Variants in CAMTA1 observed in about 807,000 individuals in gnomAD.
CAMTA1 encodes calmodulin-binding transcription activator 1.
Under a neutral mutation model 170.9 loss-of-function variants are expected in CAMTA1, and 27 were observed. That is an observed-to-expected ratio of 0.16 (90% CI 0.12 to 0.22). The LOEUF is 0.22. Ranked by LOEUF, CAMTA1 falls within the 10% of genes least tolerant of loss-of-function variation. The pLI, the probability that CAMTA1 is intolerant of heterozygous loss-of-function variation, is 1.00. For missense variants in CAMTA1, 1,619 were observed against 2,217.2 expected (o/e 0.73, Z 5.42); for synonymous variants, 833 against 891.5 (o/e 0.93, Z 1.17).
chr1:7,186,771 TA>T (rs879620773), intron 4 of CAMTA1, among the ~76,000 whole-genome samples: 3 of 152,206 alleles, frequency 2.0e-5, no homozygotes, highest in Admixed American at 1.3e-4. Context: ...TTCCTTGCAA[TA>T]AGCCAGGTCC....
intron 6 of CAMTA1, among the ~76,000 whole-genome samples, chr1:7,542,879 G>GTGTGTGTGTGTGTGTGTTTT (rs1459264062): frequency 7.2e-6 from 1 of 138,172 alleles, no homozygotes; most frequent in Non-Finnish European, 1.5e-5. Context: ...GTGTGTGTGT[G>GTGTGTGTGTGTGTGTGTTTT]TTTGAGCCGG....
intron 22 of CAMTA1, among the ~76,000 whole-genome samples, chr1:7,765,801 C>T (rs1316117955): frequency 3.3e-5 from 5 of 151,984 alleles, no homozygotes; most frequent in South Asian, 4.1e-4. Flanking sequence ...GCTGGGTGGG[C>T]GGATCACGAG....
intron 3 of CAMTA1, among the ~76,000 whole-genome samples, chr1:6,987,676 C>T (rs1214942211): frequency 6.6e-6 from 1 of 152,198 alleles, no homozygotes; most frequent in Non-Finnish European, 1.5e-5. Context: ...AAACCCCTTA[C>T]TTTTTCTTTC....
In CAMTA1 at chr1:7,685,897, A is replaced by G. The variant is rs149013497; in HGVS notation, c.2914+8164A>G. ...GATAACATTCCTGACCCCTGTGGAT[A>G]ATCCCACCCAAAAACCCAGGAGTCA... On this transcript the variant is annotated intron_variant, in intron 11 of 22. Transcript: ENST00000303635. This position sits in a 1 kb window ranked among gnomAD's most constrained non-coding sequence, Gnocchi z 5.7. 3.9e-5 allele frequency among the ~76,000 whole-genome samples: 6 copies of G among 152,184 alleles called. No individual in the cohort carries two copies. In the East Asian group the frequency reaches 9.7e-4, roughly 25 times the overall value.
intron 5 of CAMTA1, among the ~76,000 whole-genome samples, chr1:7,449,914 C>T (rs1019126589): frequency 7.9e-5 from 12 of 152,168 alleles, no homozygotes; most frequent in African/African-American, 2.2e-4. Context: ...GGGAGAAAGG[C>T]GTTTGATACC....
chr1:7,061,749 G>T (rs1708248323), intron 3 of CAMTA1, among the ~76,000 whole-genome samples: 1 of 151,172 alleles, frequency 6.6e-6, no homozygotes, highest in African/African-American at 2.4e-5. Context: ...CAGTGCCAGG[G>T]TGGAGAGAGA....
intron 3 of CAMTA1, among the ~76,000 whole-genome samples, chr1:7,087,082 C>G (rs924532966): frequency 2.0e-5 from 3 of 152,178 alleles, no homozygotes; most frequent in African/African-American, 7.2e-5. Flanking sequence ...TGTTCTATAC[C>G]TCGGTTTTTT....
intron 11 of CAMTA1, among the ~76,000 whole-genome samples, chr1:7,700,172 G>A (rs987333821): frequency 3.3e-5 from 5 of 151,286 alleles, no homozygotes; most frequent in African/African-American, 1.2e-4. Flanking sequence ...TTATATGTAG[G>A]TCTTTGATCC....
intron 3 of CAMTA1, among the ~76,000 whole-genome samples, chr1:7,030,340 A>G (rs1291794662): frequency 6.6e-6 from 1 of 152,202 alleles, no homozygotes; most frequent in Non-Finnish European, 1.5e-5. Context: ...TTGTTTTGAA[A>G]ATATTGGTTC....
chr1:7,722,146 A>C (rs761334268), intron 11 of CAMTA1, among the ~76,000 whole-genome samples: 36 of 152,062 alleles, frequency 2.4e-4, no homozygotes, highest in Admixed American at 4.6e-4. Flanking sequence ...ACGCCCAGAC[A>C]CTCGGGATTC....
chr1:7,679,955 G>A (rs1576805833), intron 11 of CAMTA1, among the ~76,000 whole-genome samples: 1 of 152,364 alleles, frequency 6.6e-6, no homozygotes, highest in East Asian at 1.9e-4. Context: ...ACCTGGCTGG[G>A]GAGAAGCGGG....
intron 3 of CAMTA1, among the ~76,000 whole-genome samples, chr1:6,996,378 C>A (rs190630618): frequency 8.2e-4 from 125 of 152,354 alleles, no homozygotes; most frequent in African/African-American, 2.9e-3. Context: ...ACTATAAACT[C>A]TGTCTTGTCT....
chr1:7,314,536 C>T (rs1468214723), intron 5 of CAMTA1, among the ~76,000 whole-genome samples: 2 of 152,186 alleles, frequency 1.3e-5, no homozygotes, highest in African/African-American at 4.8e-5. Flanking sequence ...ATTATTAACT[C>T]TTTTTTATCA....
At chr1:7,538,239 T>C (rs1167156282) in intron 6 of CAMTA1, among the ~76,000 whole-genome samples, 1 of 152,092 alleles carries the variant, frequency 6.6e-6, no homozygotes, top group African/African-American at 2.4e-5. Context: ...GAGTGCAAAG[T>C]TGAGAGGAAA....
rs1473007200 is a variant in CAMTA1 at position 7,673,015 on chromosome 1, G to A, written c.2779+1978G>A. On this transcript the variant is annotated intron_variant, in intron 10 of 22. Coordinates refer to ENST00000303635, the MANE Select transcript of CAMTA1 (RefSeq NM_015215.4). This position sits in a 1 kb window ranked among gnomAD's most constrained non-coding sequence, Gnocchi z 4.6. ...CAGCTCAGGGCTGTGTGCAGCTGATGGGACCCCGGCCCGGCGGGAGTGGCG... is the reference window on the plus strand; with the variant it reads ...CAGCTCAGGGCTGTGTGCAGCTGATAGGACCCCGGCCCGGCGGGAGTGGCG... Among the ~76,000 whole-genome samples, 1 of 152,192 alleles carries A rather than the reference G, an allele frequency of 6.6e-6. No homozygotes were observed. Among genetic ancestry groups the A allele is most frequent in the African/African-American group, 2.4e-5 (1 of 41,454 alleles).
intron 5 of CAMTA1, among the ~76,000 whole-genome samples, chr1:7,350,539 T>A (rs781236996): frequency 2.6e-5 from 4 of 152,228 alleles, no homozygotes; most frequent in Non-Finnish European, 4.4e-5. Flanking sequence ...CCGTGTGGCC[T>A]TTGAAAAGCT....
intron 3 of CAMTA1, among the ~76,000 whole-genome samples, chr1:7,011,226 C>T (rs72638595): frequency 0.01 from 1,541 of 152,260 alleles, 12 homozygotes; most frequent in Non-Finnish European, 0.017. Flanking sequence ...TTTTTTGAGA[C>T]AGAGTCTCGC....
intron 5 of CAMTA1, among the ~76,000 whole-genome samples, chr1:7,323,577 T>TAG (rs1678818325): frequency 6.8e-6 from 1 of 147,484 alleles, no homozygotes. Flanking sequence ...GGCTGGAGTG[T>TAG]AGTGGCACGA....
intron 5 of CAMTA1, among the ~76,000 whole-genome samples, chr1:7,329,236 T>C (rs537511961): frequency 6.6e-6 from 1 of 152,294 alleles, no homozygotes; most frequent in South Asian, 2.1e-4. Flanking sequence ...AACTTCTAAT[T>C]ATGTTGGAGT....
Sources: allele counts gnomAD v4.1 joint callset (sites outside exome capture counted in the v4.1 genomes callset), GRCh38; gene constraint gnomAD v4.1.1; non-coding constraint Gnocchi (gnomAD v3.1); transcripts MANE v1.5; gene names NCBI Gene and HGNC (gene_info 2026-07-23, HGNC 2026-07-21).